DHRSX: variants seen among roughly 807,000 people sequenced by gnomAD.
The protein encoded by DHRSX is dehydrogenase/reductase X-linked.
In DHRSX, 31 loss-of-function variants were observed where a neutral mutation model predicts 34.0. That is an observed-to-expected ratio of 0.91 (90% CI 0.69 to 1.23). The LOEUF is 1.23. Among genes scored for constraint, DHRSX ranks in the 50% most tolerant of loss-of-function variants. The pLI, the probability that DHRSX is intolerant of heterozygous loss-of-function variation, is 0.00. For synonymous variants in DHRSX, 201 were observed against 183.8 expected, an observed-to-expected ratio of 1.09 and a Z score of -0.76; for missense variants, 414 against 428.1, an observed-to-expected ratio of 0.97 and a Z score of 0.29.
rs182079791 is a variant in DHRSX, at chrX:2,327,646, T to C, written c.287-36043A>G. On this transcript the variant is annotated intron_variant, in intron 3 of 6. Transcript: ENST00000334651. The stretch of plus-strand genomic sequence containing the variant: ...ACAGCTGTGATGGGCTGATTCCTTC[T>C]CCCAAATCCCTATGTTAAAGCCCTA... Among the ~76,000 whole-genome samples, 112 of 152,258 alleles carry C rather than the reference T, an allele frequency of 7.4e-4. 1 individual carries two copies. In the East Asian group the frequency reaches 0.015, roughly 21 times the overall value.
intron 1 of DHRSX, among the ~76,000 whole-genome samples, chrX:2,440,787 G>A (rs1439484944): frequency 6.6e-6 from 1 of 152,094 alleles, no homozygotes; most frequent in African/African-American, 2.4e-5. Context: ...TGGCTTCCTG[G>A]CTCCTCAGCT....
chrX:2,472,988 G>C (rs68149221), intron 1 of DHRSX, among the ~76,000 whole-genome samples: 2 of 151,624 alleles, frequency 1.3e-5, no homozygotes, highest in Non-Finnish European at 2.9e-5. Flanking sequence ...ACTTAATAAG[G>C]CACCTGGCTC....
intron 1 of DHRSX, among the ~76,000 whole-genome samples, chrX:2,484,185 C>A (rs1333904668): frequency 6.6e-6 from 1 of 152,136 alleles, no homozygotes; most frequent in Non-Finnish European, 1.5e-5. Flanking sequence ...GTTGGCCAGG[C>A]TGGTCTTGAA....
intron 3 of DHRSX, among the ~76,000 whole-genome samples, chrX:2,385,498 C>A (rs1310533354): frequency 3.3e-5 from 5 of 150,936 alleles, no homozygotes; most frequent in Non-Finnish European, 7.4e-5. Flanking sequence ...GTGCTGGCAG[C>A]CAGAACCAAT....
chrX:2,484,501 A>G (rs1241029982), intron 1 of DHRSX, among the ~76,000 whole-genome samples: 1 of 152,182 alleles, frequency 6.6e-6, no homozygotes, highest in Non-Finnish European at 1.5e-5. Context: ...GAAGTTGCTC[A>G]GAAAGGAACT....
intron 3 of DHRSX, among the ~76,000 whole-genome samples, chrX:2,347,997 G>A (rs1346158642): frequency 6.6e-6 from 1 of 152,120 alleles, no homozygotes; most frequent in East Asian, 1.9e-4. Flanking sequence ...ATACACCCAT[G>A]CGTTCTGGCA....
chrX:2,252,792 G>A (rs1266635023), intron 5 of DHRSX, among the ~76,000 whole-genome samples: 2 of 152,292 alleles, frequency 1.3e-5, no homozygotes, highest in East Asian at 3.9e-4. Flanking sequence ...TAGGGATGAA[G>A]AAATATCCAC....
chrX:2,350,482 GA>G (rs1405789332), intron 3 of DHRSX, among the ~76,000 whole-genome samples: 1 of 152,170 alleles, frequency 6.6e-6, no homozygotes, highest in African/African-American at 2.4e-5. Context: ...CAGACACAGA[GA>G]GACAAATACC....
chrX:2,267,926 A>C (rs2041497290), intron 4 of DHRSX, among the ~76,000 whole-genome samples: 1 of 152,140 alleles, frequency 6.6e-6, no homozygotes, highest in Admixed American at 6.6e-5. Flanking sequence ...CAGCCTGGGC[A>C]ACAGAGATCC....
At chrX:2,243,503 G>A (rs2016193510) in intron 5 of DHRSX, among the ~76,000 whole-genome samples, 4 of 151,366 alleles carry the variant, frequency 2.6e-5, no homozygotes, top group Admixed American at 1.3e-4. Context: ...TATTTATTTT[G>A]GAGACAGAGT....
chrX:2,388,812 G>C (rs1228138138), intron 3 of DHRSX, among the ~76,000 whole-genome samples: 3 of 151,668 alleles, frequency 2.0e-5, no homozygotes, highest in Non-Finnish European at 4.4e-5. Context: ...GACTGTGGGA[G>C]AATAAATGTC....
chrX:2,232,120 TTCC>T (rs1164261494), intron 6 of DHRSX, among the ~76,000 whole-genome samples: 2 of 151,204 alleles, frequency 1.3e-5, no homozygotes, highest in East Asian at 3.9e-4. Context: ...CTCCCTTCCC[TTCC>T]TCCTCTTCCC....
intron 4 of DHRSX, among the ~76,000 whole-genome samples, chrX:2,271,118 A>C (rs1437278888): frequency 6.6e-6 from 1 of 152,172 alleles, no homozygotes; most frequent in South Asian, 2.1e-4. Flanking sequence ...TTGGGTCTAC[A>C]CTACCTGTAT....
At chrX:2,283,057 T>C (rs1250678984) in intron 4 of DHRSX, among the ~76,000 whole-genome samples, 3 of 142,078 alleles carry the variant, frequency 2.1e-5, no homozygotes, top group Admixed American at 2.1e-4. Flanking sequence ...AGACAGAGAG[T>C]TACAGAAAGA....
intron 6 of DHRSX, among the ~76,000 whole-genome samples, chrX:2,237,341 CA>C (rs1460616323): frequency 8.5e-5 from 13 of 152,162 alleles, no homozygotes; most frequent in African/African-American, 3.1e-4. Flanking sequence ...TTAAGACAAG[CA>C]ATGATACGAG....
At chrX:2,282,572 CAG>C (rs1335133921) in intron 4 of DHRSX, among the ~76,000 whole-genome samples, 1 of 72,852 alleles carries the variant, frequency 1.4e-5, no homozygotes, top group East Asian at 3.7e-4. Context: ...GAGAGGGAAA[CAG>C]AAAGGGAGAG....
chrX:2,316,212 G>A (rs2042240092), intron 3 of DHRSX, among the ~76,000 whole-genome samples: 1 of 151,686 alleles, frequency 6.6e-6, no homozygotes, highest in African/African-American at 2.4e-5. Flanking sequence ...TCTGCTTGCT[G>A]TGACACCCTC....
chrX:2,303,141 A>T (rs946757134), intron 3 of DHRSX, among the ~76,000 whole-genome samples: 13 of 152,060 alleles, frequency 8.5e-5, no homozygotes, highest in South Asian at 2.1e-4. Context: ...GATTTTTTTT[A>T]AAAAAACTAG....
chrX:2,449,189 C>CAA (rs57586340), intron 1 of DHRSX, among the ~76,000 whole-genome samples: 1 of 143,754 alleles, frequency 7.0e-6, no homozygotes, highest in East Asian at 2.1e-4. Flanking sequence ...AACTCTGTCT[C>CAA]AAAAAAAAAA....
Sources: gnomAD v4.1 joint callset for allele counts (sites outside exome capture counted in the v4.1 genomes callset) on GRCh38, gnomAD v4.1.1 for gene constraint, MANE v1.5 for transcripts, NCBI Gene and HGNC (gene_info 2026-07-23, HGNC 2026-07-21) for gene names.